The following EFCAB6 variants were observed in gnomAD, a reference collection of about 807,000 sequenced individuals.
EFCAB6 encodes EF-hand calcium binding domain 6, also known as EF-hand calcium-binding domain-containing protein 6.
Under a neutral mutation model 169.8 loss-of-function variants are expected in EFCAB6, and 156 were observed. The observed-to-expected ratio is 0.92, with a 90% CI of 0.81 to 1.05. EFCAB6 has a LOEUF of 1.05. Ranked by LOEUF, EFCAB6 falls within the 50% of genes least tolerant of loss-of-function variation. The probability of loss-of-function intolerance (pLI) is 0.00; values close to 1 mark genes in which losing one functional copy is unlikely to be tolerated. For missense variants in EFCAB6, 1,800 were observed against 1,829.1 expected, an observed-to-expected ratio of 0.98 and a Z score of 0.29; for synonymous variants, 698 against 676.4, an observed-to-expected ratio of 1.03 and a Z score of -0.50.
At chr22:43,685,375 G>A (rs1014371533) in intron 11 of EFCAB6, among the ~76,000 whole-genome samples, 3 of 152,108 alleles carry the variant, frequency 2.0e-5, no homozygotes, top group Non-Finnish European at 1.5e-5. Flanking sequence ...CAGTGTTGGC[G>A]AGCACCATCC....
chr22:43,640,123 T>G (rs1156336044), intron 17 of EFCAB6, among the ~76,000 whole-genome samples: 1 of 152,202 alleles, frequency 6.6e-6, no homozygotes, highest in African/African-American at 2.4e-5. Context: ...TAACATCTGT[T>G]CATCTTAGAG....
chr22:43,581,784 C>A (rs890641140), intron 24 of EFCAB6, among the ~76,000 whole-genome samples: 1 of 152,192 alleles, frequency 6.6e-6, no homozygotes, highest in South Asian at 2.1e-4. Flanking sequence ...GCTGCAGAGC[C>A]GCCTTGCACA....
chr22:43,615,535 T>C (rs2053628722), intron 21 of EFCAB6, among the ~76,000 whole-genome samples: 1 of 152,238 alleles, frequency 6.6e-6, no homozygotes, highest in African/African-American at 2.4e-5. Flanking sequence ...AAAACTGCGA[T>C]GACTTTTGCA....
chr22:43,783,907 A>T (rs1569486642), intron 2 of EFCAB6, among the ~76,000 whole-genome samples: 2 of 152,120 alleles, frequency 1.3e-5, no homozygotes, highest in Non-Finnish European at 2.9e-5. Flanking sequence ...CAAAAAAAAT[A>T]AAAATAAAGA....
At chr22:43,598,189 C>T (rs55925905) in intron 23 of EFCAB6, among the ~76,000 whole-genome samples, 31,721 of 151,290 alleles carry the variant, frequency 0.21, 3,539 homozygotes, top group African/African-American at 0.26. Flanking sequence ...TACCGGTAGT[C>T]CCAGCTACTC....
At chr22:43,530,662 G>A (rs539587665) in intron 31 of EFCAB6, 153 bp downstream of exon 31, 205 of 985,434 alleles carry the variant, frequency 2.1e-4, no homozygotes, top group Non-Finnish European at 1.9e-4. Context: ...CCCAGGACTG[G>A]ATAACTTGGG....
chr22:43,615,769 A>T (rs1046552714), intron 21 of EFCAB6, 57 bp downstream of exon 21: 4 of 1,469,712 alleles, frequency 2.7e-6, no homozygotes, highest in African/African-American at 2.8e-5. Context: ...CATCCCAGTG[A>T]TCTTGAAACA....
chr22:43,763,161 C>T (rs1603344289), intron 5 of EFCAB6, among the ~76,000 whole-genome samples: 1 of 152,260 alleles, frequency 6.6e-6, no homozygotes, highest in South Asian at 2.1e-4. Context: ...GCCTCAGCCT[C>T]CCGAGTCGCT....
chr22:43,578,180 C>T (rs2050384630), intron 25 of EFCAB6, among the ~76,000 whole-genome samples: 1 of 152,156 alleles, frequency 6.6e-6, no homozygotes, highest in Non-Finnish European at 1.5e-5. Context: ...TGACCCTGGG[C>T]AGGTTTATTC....
At position 43,729,547 on chromosome 22, in the gene EFCAB6, A is replaced by G. The variant is rs540693063; in HGVS notation, c.757+2152T>C. Among the ~76,000 whole-genome samples the G allele has an allele frequency of 8.6e-4, 131 of 152,346 alleles. 1 individual carries two copies. Among genetic ancestry groups the G allele is most frequent in the Middle Eastern group, 3.4e-3 (1 of 294 alleles). ...ATACTCAGTTTATCCAAATTTCATG[A>G]AAGTACGCAAACTCTCCAGGAGTGG... On this transcript the variant is annotated intron_variant, in intron 8 of 31. Coordinates refer to ENST00000262726, the MANE Select transcript of EFCAB6 (RefSeq NM_022785.4).
At chr22:43,745,555 G>A (rs1305048132) in intron 6 of EFCAB6, among the ~76,000 whole-genome samples, 1 of 152,182 alleles carries the variant, frequency 6.6e-6, no homozygotes, top group Non-Finnish European at 1.5e-5. Flanking sequence ...AGTCCCAAGG[G>A]GAGGGGGCTT....
intron 26 of EFCAB6, among the ~76,000 whole-genome samples, chr22:43,569,556 C>T (rs748411125): frequency 4.6e-5 from 7 of 152,226 alleles, no homozygotes; most frequent in Non-Finnish European, 1.0e-4. Context: ...CTGGTTCCCA[C>T]TGAACCACCA....
intron 17 of EFCAB6, among the ~76,000 whole-genome samples, chr22:43,647,536 G>A (rs1010895939): frequency 3.9e-5 from 6 of 152,196 alleles, no homozygotes; most frequent in Admixed American, 6.5e-5. Flanking sequence ...CATTGTTGTC[G>A]GTTGAATTGT....
chr22:43,619,952 T>C (rs1038771249), intron 20 of EFCAB6, among the ~76,000 whole-genome samples: 1 of 152,020 alleles, frequency 6.6e-6, no homozygotes, highest in Non-Finnish European at 1.5e-5. Context: ...AAAAAACCCA[T>C]GGTCAAACAA....
intron 10 of EFCAB6, among the ~76,000 whole-genome samples, chr22:43,691,859 C>T (rs143966032): frequency 6.0e-4 from 91 of 152,168 alleles, no homozygotes; most frequent in African/African-American, 1.9e-3. Context: ...GTACTGTGAC[C>T]AGAGCAGGCA....
chr22:43,686,391 C>T (rs892838233), intron 11 of EFCAB6, among the ~76,000 whole-genome samples: 8 of 152,208 alleles, frequency 5.3e-5, no homozygotes, highest in Admixed American at 3.3e-4. Flanking sequence ...GATCAGCTCC[C>T]ATCAGTAGCT....
At chr22:43,535,045 A>T in intron 29 of EFCAB6, 173 bp from the exon 30 acceptor site, 1 of 654,090 alleles carries the variant, frequency 1.5e-6, no homozygotes, top group Non-Finnish European at 2.5e-6. Flanking sequence ...CATGTGACAA[A>T]CTAAGTGCCG....
chr22:43,724,360 CTTTTTTCT>C (rs1346347081), intron 8 of EFCAB6, among the ~76,000 whole-genome samples: 3 of 129,010 alleles, frequency 2.3e-5, no homozygotes, highest in Admixed American at 9.3e-5. Flanking sequence ...GTCAATATTT[CTTTTTTCT>C]TTTTTTTTTT....
At chr22:43,767,625 G>A (rs1326827404) in intron 4 of EFCAB6, among the ~76,000 whole-genome samples, 1 of 152,124 alleles carries the variant, frequency 6.6e-6, no homozygotes, top group African/African-American at 2.4e-5. Flanking sequence ...ACAAAGCAGA[G>A]GTATGGCCTC....
Sources: gnomAD v4.1 joint callset for allele counts (sites outside exome capture counted in the v4.1 genomes callset) on GRCh38, gnomAD v4.1.1 for gene constraint, MANE v1.5 for transcripts, NCBI Gene and HGNC (gene_info 2026-07-23, HGNC 2026-07-21) for gene names.